The following LRBA variants were observed in gnomAD, a reference collection of about 807,000 sequenced individuals.
LRBA encodes the protein LPS responsive beige-like anchor protein.
Under a neutral mutation model 330.0 loss-of-function variants are expected in LRBA, and 176 were observed. The ratio of observed to expected loss-of-function variants is 0.53; its 90% CI spans 0.47 to 0.60. The LOEUF (loss-of-function observed/expected upper bound fraction) is 0.60, where lower values mean the gene tolerates loss of function less well. Ranked by LOEUF, LRBA falls within the 20% of genes least tolerant of loss-of-function variation. The pLI is 0.00. For synonymous variants in LRBA, 1,230 were observed against 1,193.0 expected (o/e 1.03, Z -0.64); for missense variants, 3,259 against 3,444.8 (o/e 0.95, Z 1.35).
chr4:150,911,248 C>T (rs965881609), intron 9 of LRBA, among the ~76,000 whole-genome samples: 23 of 152,094 alleles, frequency 1.5e-4, no homozygotes, highest in African/African-American at 5.3e-4. Context: ...GAATAAGCAT[C>T]CTTGCTTTGT....
intron 24 of LRBA, among the ~76,000 whole-genome samples, 174 bp from the exon 25 acceptor site, chr4:150,849,749 C>T (rs1750377579): frequency 6.6e-6 from 1 of 152,184 alleles, no homozygotes; most frequent in Non-Finnish European, 1.5e-5. Context: ...CAGACCATTC[C>T]ATATCAGTAG....
intron 34 of LRBA, among the ~76,000 whole-genome samples, chr4:150,762,727 G>A (rs1735263105): frequency 6.6e-6 from 1 of 151,696 alleles, no homozygotes; most frequent in Non-Finnish European, 1.5e-5. Context: ...AATATTTAAG[G>A]AGCTCTTTGT....
chr4:150,413,787 G>T (rs923285368), intron 47 of LRBA, among the ~76,000 whole-genome samples: 20 of 151,832 alleles, frequency 1.3e-4, no homozygotes, highest in East Asian at 1.2e-3. Context: ...GTACCTCAAT[G>T]AATTTGTTTT....
chr4:150,545,342 A>C (rs1765741407), intron 40 of LRBA, among the ~76,000 whole-genome samples: 1 of 152,204 alleles, frequency 6.6e-6, no homozygotes, highest in Admixed American at 6.5e-5. Flanking sequence ...CCAATATTCT[A>C]AGATATTGTT....
intron 34 of LRBA, among the ~76,000 whole-genome samples, chr4:150,793,910 T>C (rs1389233770): frequency 2.0e-5 from 3 of 152,196 alleles, no homozygotes; most frequent in Non-Finnish European, 4.4e-5. Context: ...TCATAGCATC[T>C]AGAAAACAAA....
chr4:150,577,726 T>G (rs186192467), intron 40 of LRBA, among the ~76,000 whole-genome samples: 1 of 152,244 alleles, frequency 6.6e-6, no homozygotes, highest in Admixed American at 6.5e-5. Context: ...TTACAGATAA[T>G]AAAATAATAG....
intron 48 of LRBA, among the ~76,000 whole-genome samples, chr4:150,342,621 T>C (rs1191562486): frequency 6.6e-6 from 1 of 152,230 alleles, no homozygotes; most frequent in Non-Finnish European, 1.5e-5. Flanking sequence ...CTTATGGTTA[T>C]TATTTCTATC....
chr4:150,375,069 A>G (rs1052677333), intron 47 of LRBA, among the ~76,000 whole-genome samples: 1 of 59,472 alleles, frequency 1.7e-5, no homozygotes, highest in African/African-American at 5.8e-5. Flanking sequence ...ATAACCCATA[A>G]GCCTGTAAGA....
chr4:150,556,561 T>C (rs1333053764), intron 40 of LRBA, among the ~76,000 whole-genome samples: 2 of 152,202 alleles, frequency 1.3e-5, no homozygotes, highest in African/African-American at 4.8e-5. Flanking sequence ...CTTATTTATT[T>C]TAGTGCCATA....
chr4:150,549,333 ATTTTT>A (rs1210978623), intron 40 of LRBA, among the ~76,000 whole-genome samples: 1 of 143,048 alleles, frequency 7.0e-6, no homozygotes, highest in Non-Finnish European at 1.5e-5. Context: ...ATTTTATTTT[ATTTTT>A]TTATTTTTTT....
chr4:150,422,775 T>A, intron 46 of LRBA: 1 of 1,412,766 alleles, frequency 7.1e-7, no homozygotes. Flanking sequence ...AGCTGGGCAC[T>A]GTTCTTTCTG....
intron 37 of LRBA, among the ~76,000 whole-genome samples, chr4:150,612,621 T>C (rs1775385321): frequency 6.6e-6 from 1 of 152,196 alleles, no homozygotes; most frequent in African/African-American, 2.4e-5. Context: ...TTCTTCTGGT[T>C]CTCAATGACC....
At chr4:150,510,551 A>G (rs146588665) in intron 40 of LRBA, among the ~76,000 whole-genome samples, 156 of 152,316 alleles carry the variant, frequency 1.0e-3, no homozygotes, top group African/African-American at 3.5e-3. Flanking sequence ...ACAAATTGTC[A>G]CTCAATGCAC....
At chr4:150,337,837 C>G (rs563882809) in intron 48 of LRBA, among the ~76,000 whole-genome samples, 1 of 152,188 alleles carries the variant, frequency 6.6e-6, no homozygotes, top group East Asian at 1.9e-4. Flanking sequence ...GGCTTACAGA[C>G]CACTCCCCCA....
chr4:150,318,377 G>A (rs1270200759), intron 50 of LRBA, among the ~76,000 whole-genome samples: 1 of 152,078 alleles, frequency 6.6e-6, no homozygotes, highest in Admixed American at 6.6e-5. Context: ...AAAGAACTGA[G>A]GGGAACCAGC....
At chr4:150,286,688 G>A (rs980627122) in intron 53 of LRBA, among the ~76,000 whole-genome samples, 1 of 152,182 alleles carries the variant, frequency 6.6e-6, no homozygotes, top group African/African-American at 2.4e-5. Context: ...ATGAGGGGCG[G>A]TGGGTAGAGA....
intron 28 of LRBA, among the ~76,000 whole-genome samples, chr4:150,838,446 G>C (rs1325590321): frequency 6.6e-6 from 1 of 152,128 alleles, no homozygotes; most frequent in African/African-American, 2.4e-5. Context: ...CGTAGATTTG[G>C]TCTTTTCACA....
At chr4:150,371,523 T>C (rs904769292) in intron 47 of LRBA, among the ~76,000 whole-genome samples, 3 of 152,086 alleles carry the variant, frequency 2.0e-5, no homozygotes, top group African/African-American at 7.2e-5. Flanking sequence ...TTTATATCTC[T>C]TATTATGTTC....
chr4:150,480,243 C>T (rs1372222501), intron 42 of LRBA, among the ~76,000 whole-genome samples: 6 of 152,026 alleles, frequency 3.9e-5, no homozygotes, highest in Admixed American at 3.9e-4. Flanking sequence ...CTCCCAATAC[C>T]CTATACCATG....
Sources: gnomAD v4.1 joint callset for allele counts (sites outside exome capture counted in the v4.1 genomes callset) on GRCh38, gnomAD v4.1.1 for gene constraint, MANE v1.5 for transcripts, NCBI Gene and HGNC (gene_info 2026-07-23, HGNC 2026-07-21) for gene names.